CACHD1: variants seen among roughly 807,000 people sequenced by gnomAD.
CACHD1 encodes VWFA and cache domain-containing protein 1.
Under a neutral mutation model 138.7 loss-of-function variants are expected in CACHD1, and 71 were observed. That is an observed-to-expected ratio of 0.51 (90% CI 0.42 to 0.62). The LOEUF is 0.62. Among genes scored for constraint, CACHD1 ranks in the 20% least tolerant of loss-of-function variants. The probability of loss-of-function intolerance (pLI) is 0.00; values close to 1 mark genes in which losing one functional copy is unlikely to be tolerated. For synonymous variants in CACHD1, 578 were observed against 591.5 expected (o/e 0.98, Z 0.33); for missense variants, 1,389 against 1,625.3 (o/e 0.85, Z 2.50).
At chr1:64,689,456 T>A (rs1650474182) in intron 26 of CACHD1, among the ~76,000 whole-genome samples, 1 of 152,128 alleles carries the variant, frequency 6.6e-6, no homozygotes, top group Non-Finnish European at 1.5e-5. Flanking sequence ...ATCTGTCCAA[T>A]CCCACTGCCC....
rs759945173 is a variant in CACHD1, at chr1:64,647,886, G to T, written c.1242G>T (p.Met414Ile). ...GGAAGTACGGTGTGCCAGACCGGAT[G>T]GCCTTGCCTGTGATTAAGGGCAGCA... ...NSGKYGVPDRMALPVIKGSMM... is the reference protein window; with the variant it reads ...NSGKYGVPDRIALPVIKGSMM... Residue 414 changes from methionine to isoleucine, a missense_variant, in exon 9 of 27, where the codon ATG (methionine) becomes ATT (isoleucine). Met to Ile is a conservative substitution (Grantham distance 10, BLOSUM62 1). Transcript: ENST00000651257. 3.1e-6 allele frequency: 5 copies of T among 1,613,944 alleles called. No individual in the cohort carries two copies. The Admixed American group carries it at 6.7e-5, about 22-fold the overall frequency.
intron 14 of CACHD1, chr1:64,664,070 T>G (rs1443340058): frequency 9.5e-6 from 5 of 524,894 alleles, no homozygotes; most frequent in Middle Eastern, 5.0e-4. Flanking sequence ...GCACTGGGGG[T>G]TTCCAGTGAT....
At chr1:64,676,797 T>A in intron 21 of CACHD1, 98 bp from the exon 22 acceptor site, 1 of 910,220 alleles carries the variant, frequency 1.1e-6, no homozygotes, top group East Asian at 2.4e-5. Flanking sequence ...AAGCCAGGAT[T>A]CAAACCCAAA....
intron 1 of CACHD1, among the ~76,000 whole-genome samples, chr1:64,497,566 A>G (rs1038883060): frequency 1.3e-5 from 2 of 152,150 alleles, no homozygotes; most frequent in African/African-American, 4.8e-5. Flanking sequence ...TAGTTCAGGA[A>G]AAAAAATACC....
At chr1:64,666,993 T>C (rs1451536113) in intron 16 of CACHD1, among the ~76,000 whole-genome samples, 2 of 152,094 alleles carry the variant, frequency 1.3e-5, no homozygotes, top group Non-Finnish European at 2.9e-5. Flanking sequence ...TCCTTGAAAC[T>C]ATCTCTTGAA....
At chr1:64,595,736 T>G (rs1647145321) in intron 3 of CACHD1, among the ~76,000 whole-genome samples, 1 of 152,220 alleles carries the variant, frequency 6.6e-6, no homozygotes, top group Non-Finnish European at 1.5e-5. Context: ...TACCATCTGT[T>G]TGAATATAGA....
At chr1:64,677,925 T>C (rs533414801) in intron 22 of CACHD1, among the ~76,000 whole-genome samples, 10 of 152,220 alleles carry the variant, frequency 6.6e-5, no homozygotes, top group Admixed American at 1.3e-4. Context: ...CATTATTTAA[T>C]TCACAGAGAG....
At chr1:64,583,377 C>G (rs918970047) in intron 3 of CACHD1, among the ~76,000 whole-genome samples, 10 of 152,192 alleles carry the variant, frequency 6.6e-5, no homozygotes, top group Admixed American at 5.9e-4. Context: ...GATAGGAATT[C>G]TACCCCTAAC....
chr1:64,587,218 G>T (rs761396050), intron 3 of CACHD1, among the ~76,000 whole-genome samples: 1 of 152,138 alleles, frequency 6.6e-6, no homozygotes. Context: ...GTTAGAACTA[G>T]ACAATGTTTT....
chr1:64,489,281 A>G, intron 1 of CACHD1, among the ~76,000 whole-genome samples: 1 of 151,744 alleles, frequency 6.6e-6, no homozygotes, highest in Non-Finnish European at 1.5e-5. Context: ...GACTTTTTCC[A>G]TTTTCCAATC....
chr1:64,591,214 G>GA (rs892024370), intron 3 of CACHD1, among the ~76,000 whole-genome samples: 7 of 152,092 alleles, frequency 4.6e-5, no homozygotes, highest in African/African-American at 1.7e-4. Flanking sequence ...CCATTCGTTT[G>GA]AAAAAATAAA....
At chr1:64,673,527 A>G in intron 19 of CACHD1, 63 bp downstream of exon 19, 1 of 1,273,356 alleles carries the variant, frequency 7.9e-7, no homozygotes, top group Non-Finnish European at 1.1e-6. Context: ...ATGAATTGGA[A>G]TCATGGCTAG....
chr1:64,486,500 C>T (rs1646244296), intron 1 of CACHD1, among the ~76,000 whole-genome samples: 1 of 152,004 alleles, frequency 6.6e-6, no homozygotes, highest in Admixed American at 6.6e-5. Flanking sequence ...TTTCGAGTGA[C>T]ATTGTTCTCA....
intron 4 of CACHD1, among the ~76,000 whole-genome samples, chr1:64,604,059 C>G (rs913652922): frequency 6.6e-6 from 1 of 152,110 alleles, no homozygotes; most frequent in African/African-American, 2.4e-5. Context: ...ACACATAAAG[C>G]CGAAGAGAAA....
chr1:64,478,403 C>T (rs1646189187), intron 1 of CACHD1, among the ~76,000 whole-genome samples: 1 of 152,176 alleles, frequency 6.6e-6, no homozygotes, highest in Admixed American at 6.5e-5. Flanking sequence ...TACTGCTTGT[C>T]CCTGTTCTCT....
intron 3 of CACHD1, among the ~76,000 whole-genome samples, chr1:64,589,616 T>TCAA (rs1647081088): frequency 6.6e-6 from 1 of 151,988 alleles, no homozygotes; most frequent in Non-Finnish European, 1.5e-5. Context: ...CAGTTGGAGT[T>TCAA]CAAAGGCAGT....
rs12044906 is a variant in CACHD1, at chr1:64,634,176, G to A, written c.922G>A (p.Asp308Asn). 6.2e-7 allele frequency: 1 copy of A among 1,613,872 alleles called. No individual in the cohort carries two copies. The highest frequency in any genetic ancestry group is 1.1e-5 in the South Asian group (1 of 91,064). ...STFVSSVKSS[D>N]SPTQHAVGFQ... ...CTTTGTTAGCAGCGTGAAGTCTTCA[G>A]ACAGTCCTACCCAGCACGCAGTGGG... is the stretch of plus-strand genomic sequence containing the variant. Residue 308 changes from aspartate (D) to asparagine (N), a missense_variant, in exon 7 of 27, where the codon GAC (aspartate) becomes AAC (asparagine). This residue lies in a region of CACHD1 where 1,000 missense variants were observed against 1,114.7 expected (regional missense o/e 0.90). Coordinates refer to ENST00000651257, the MANE Select transcript of CACHD1 (RefSeq NM_020925.4).
chr1:64,600,030 G>A (rs17126742), intron 3 of CACHD1, among the ~76,000 whole-genome samples: 32,016 of 151,942 alleles, frequency 0.21, 3,522 homozygotes, highest in Middle Eastern at 0.31. Flanking sequence ...TGAGTGATGG[G>A]TTTAAGTCTC....
chr1:64,578,972 A>G (rs925837150), intron 2 of CACHD1, among the ~76,000 whole-genome samples: 1 of 152,122 alleles, frequency 6.6e-6, no homozygotes, highest in Non-Finnish European at 1.5e-5. Flanking sequence ...TTTGTAGGAA[A>G]TTTCTATAAA....
Sources: allele counts gnomAD v4.1 joint callset (sites outside exome capture counted in the v4.1 genomes callset), GRCh38; gene constraint gnomAD v4.1.1; regional missense constraint gnomAD v4.1.1; transcripts MANE v1.5; gene names NCBI Gene and HGNC (gene_info 2026-07-23, HGNC 2026-07-21).